Variants in TAS2R1 observed in about 807,000 individuals in gnomAD.
TAS2R1 encodes taste 2 receptor member 1, also known as taste receptor type 2 member 1.
For synonymous variants in TAS2R1, 141 were observed against 134.2 expected (o/e 1.05, Z -0.35); for missense variants, 370 against 353.4 (o/e 1.05, Z -0.38).
At chr5:9,804,273 T>C in the TAS2R1 span, among the ~76,000 whole-genome samples, 1 of 152,066 alleles carries the variant, frequency 6.6e-6, no homozygotes, top group African/African-American at 2.4e-5. Context: ...AGAAATGACA[T>C]TGATGGCAAC....
At chr5:9,895,277 C>T in the TAS2R1 span, among the ~76,000 whole-genome samples, 2 of 152,208 alleles carry the variant, frequency 1.3e-5, no homozygotes, top group Non-Finnish European at 2.9e-5. Context: ...CACCTGGTTT[C>T]TTCCTGCTTT....
At chr5:9,796,978 G>C in the TAS2R1 span, among the ~76,000 whole-genome samples, 1 of 152,134 alleles carries the variant, frequency 6.6e-6, no homozygotes, top group South Asian at 2.1e-4. Flanking sequence ...ACAGTCACTG[G>C]GAAACACTGC....
chr5:9,894,763 C>T, the TAS2R1 span, among the ~76,000 whole-genome samples: 1 of 152,218 alleles, frequency 6.6e-6, no homozygotes, highest in East Asian at 1.9e-4. Context: ...TCATCAGCCC[C>T]AAGGCCATGG....
chr5:9,873,904 C>G, the TAS2R1 span, among the ~76,000 whole-genome samples: 12 of 98,744 alleles, frequency 1.2e-4, no homozygotes, highest in Admixed American at 3.8e-4. Flanking sequence ...GGGAAGAGGA[C>G]GGGGAAAAAA....
the TAS2R1 span, among the ~76,000 whole-genome samples, chr5:9,864,454 AC>A: frequency 2.6e-5 from 4 of 151,388 alleles, no homozygotes; most frequent in Non-Finnish European, 5.9e-5. Context: ...ACGGTGAAAC[AC>A]CATCTCTCTC....
At chr5:9,728,277 A>G in the TAS2R1 span, among the ~76,000 whole-genome samples, 1 of 152,244 alleles carries the variant, frequency 6.6e-6, no homozygotes, top group African/African-American at 2.4e-5. Flanking sequence ...ATTGCCTGCA[A>G]TACACAAATG....
the TAS2R1 span, among the ~76,000 whole-genome samples, chr5:9,843,332 A>G: frequency 6.6e-6 from 1 of 152,252 alleles, no homozygotes; most frequent in South Asian, 2.1e-4. Flanking sequence ...ACCATTTCTG[A>G]CATGCCCTTA....
At chr5:9,769,123 A>G in the TAS2R1 span, among the ~76,000 whole-genome samples, 1 of 152,064 alleles carries the variant, frequency 6.6e-6, no homozygotes, top group South Asian at 2.1e-4. Context: ...TGTTTCCATG[A>G]CTTCAGTTGT....
chr5:9,757,970 T>C, the TAS2R1 span, among the ~76,000 whole-genome samples: 1 of 152,092 alleles, frequency 6.6e-6, no homozygotes, highest in East Asian at 1.9e-4. Flanking sequence ...ATATCAATAA[T>C]TTTGAAACCA....
At chr5:9,854,548 G>A in the TAS2R1 span, 10 of 152,088 alleles carry the variant, frequency 6.6e-5, no homozygotes, top group Non-Finnish European at 1.0e-4. Context: ...GTTGTTGAAG[G>A]TAAGATGAGA....
At chr5:9,887,305 T>TA in the TAS2R1 span, among the ~76,000 whole-genome samples, 1 of 152,220 alleles carries the variant, frequency 6.6e-6, no homozygotes, top group African/African-American at 2.4e-5. Context: ...TACAACCATA[T>TA]TAGTGCAAAG....
the TAS2R1 span, among the ~76,000 whole-genome samples, chr5:9,896,416 C>A: frequency 6.6e-6 from 1 of 152,152 alleles, no homozygotes; most frequent in Non-Finnish European, 1.5e-5. Context: ...CCAAAAAGAA[C>A]CTAATTGGTT....
chr5:9,885,406 A>G, the TAS2R1 span, among the ~76,000 whole-genome samples: 4 of 152,240 alleles, frequency 2.6e-5, no homozygotes, highest in African/African-American at 9.6e-5. Flanking sequence ...TTTGCCTTAT[A>G]CAGCTATCAC....
At chr5:9,830,222 C>CAGAT in the TAS2R1 span, among the ~76,000 whole-genome samples, 138 of 140,434 alleles carry the variant, frequency 9.8e-4, no homozygotes, top group African/African-American at 2.9e-3. Context: ...GACAGATAGA[C>CAGAT]AGACAGACAG....
the TAS2R1 span, among the ~76,000 whole-genome samples, chr5:9,824,264 T>C: frequency 2.0e-5 from 3 of 152,152 alleles, no homozygotes; most frequent in African/African-American, 4.8e-5. Context: ...ATCCTATCTC[T>C]CCAGTAGTCC....
chr5:9,829,410 G>A, the TAS2R1 span, among the ~76,000 whole-genome samples: 1 of 152,038 alleles, frequency 6.6e-6, no homozygotes, highest in Non-Finnish European at 1.5e-5. Context: ...ACACCCCACG[G>A]TCATTCCTCT....
chr5:9,842,323 T>TTG, the TAS2R1 span, among the ~76,000 whole-genome samples: 1 of 141,578 alleles, frequency 7.1e-6, no homozygotes, highest in African/African-American at 2.6e-5. Context: ...TCTCTTTTTT[T>TTG]TTTTTTTTTT....
the TAS2R1 span, among the ~76,000 whole-genome samples, chr5:9,867,760 T>A: frequency 6.6e-6 from 1 of 152,160 alleles, no homozygotes; most frequent in Non-Finnish European, 1.5e-5. Flanking sequence ...GTCCAAAGTC[T>A]CATCTAAGAC....
the TAS2R1 span, among the ~76,000 whole-genome samples, chr5:9,756,209 T>A: frequency 6.6e-6 from 1 of 152,084 alleles, no homozygotes; most frequent in Non-Finnish European, 1.5e-5. Flanking sequence ...GATCTAAGAG[T>A]AAAGCCTAAA....
Sources: allele counts gnomAD v4.1 joint callset (sites outside exome capture counted in the v4.1 genomes callset), GRCh38; gene constraint gnomAD v4.1.1; transcripts MANE v1.5; gene names NCBI Gene and HGNC (gene_info 2026-07-23, HGNC 2026-07-21).